GPR158: variants seen among roughly 807,000 people sequenced by gnomAD.
GPR158 encodes the protein metabotropic glycine receptor.
In GPR158, 30 loss-of-function variants were observed where a neutral mutation model predicts 78.2. The ratio of observed to expected loss-of-function variants is 0.38; its 90% CI spans 0.29 to 0.52. The LOEUF is 0.52. GPR158 is among the 20% of genes least tolerant of loss of function. The probability of loss-of-function intolerance (pLI) is 0.83; values close to 1 mark genes in which losing one functional copy is unlikely to be tolerated. For missense variants in GPR158, 1,463 were observed against 1,523.5 expected (o/e 0.96, Z 0.66); for synonymous variants, 581 against 591.1 (o/e 0.98, Z 0.25).
intron 2 of GPR158, among the ~76,000 whole-genome samples, chr10:25,320,040 A>G (rs1278211489): frequency 6.6e-6 from 1 of 152,158 alleles, no homozygotes; most frequent in Non-Finnish European, 1.5e-5. Flanking sequence ...ACACTGCTTT[A>G]TGATCCACCC....
At chr10:25,512,534 T>C (rs1252127177) in intron 5 of GPR158, among the ~76,000 whole-genome samples, 1 of 152,130 alleles carries the variant, frequency 6.6e-6, no homozygotes, top group African/African-American at 2.4e-5. Context: ...TTCTTTCTCT[T>C]CTCTGCTCTG....
At chr10:25,193,938 GT>G (rs1852810136) in intron 1 of GPR158, among the ~76,000 whole-genome samples, 1 of 151,822 alleles carries the variant, frequency 6.6e-6, no homozygotes, top group African/African-American at 2.4e-5. Flanking sequence ...TCACTTTGGT[GT>G]TTTTCTTGCT....
intron 4 of GPR158, among the ~76,000 whole-genome samples, chr10:25,458,449 G>C (rs932372169): frequency 1.3e-5 from 2 of 152,136 alleles, no homozygotes; most frequent in Admixed American, 6.5e-5. Flanking sequence ...GATGCACAGA[G>C]GAAATCTCAC....
intron 5 of GPR158, among the ~76,000 whole-genome samples, chr10:25,539,471 T>G (rs77423188): frequency 8.5e-4 from 130 of 152,162 alleles, no homozygotes; most frequent in African/African-American, 2.9e-3. Flanking sequence ...ACTAAGACTT[T>G]GGGAACTTGT....
chr10:25,367,896 T>A (rs1227182091), intron 2 of GPR158, among the ~76,000 whole-genome samples: 1 of 151,842 alleles, frequency 6.6e-6, no homozygotes, highest in Non-Finnish European at 1.5e-5. Context: ...TATATGCCAA[T>A]GCCCCATACA....
At position 25,349,755 on chromosome 10, in the gene GPR158, A is replaced by T. The variant is rs149676143; in HGVS notation, c.1009-46156A>T. Among the ~76,000 whole-genome samples the T allele has an allele frequency of 4.8e-5, 7 of 146,432 alleles. 2 individuals are homozygous for T. The highest frequency in any genetic ancestry group is 1.9e-4 in the African/African-American group (7 of 36,330). On this transcript the variant is annotated intron_variant, in intron 2 of 10. Transcript: ENST00000376351. ...GGTAGTTCTTAAGAGCAGTATGACA[A>T]TGGATTAATTCACCATGTAAGGGAA...
intron 4 of GPR158, among the ~76,000 whole-genome samples, chr10:25,427,096 A>G (rs898478656): frequency 1.3e-5 from 2 of 152,128 alleles, no homozygotes; most frequent in South Asian, 2.1e-4. Flanking sequence ...TCCTATATTA[A>G]TCTATAGTCA....
intron 7 of GPR158, among the ~76,000 whole-genome samples, chr10:25,580,525 C>A (rs897345725): frequency 2.0e-5 from 3 of 151,786 alleles, no homozygotes; most frequent in African/African-American, 7.3e-5. Context: ...TACTTAATTA[C>A]CCTAGAAGAT....
intron 5 of GPR158, among the ~76,000 whole-genome samples, chr10:25,504,851 GCTATTAC>G (rs1395424814): frequency 2.6e-5 from 4 of 152,182 alleles, no homozygotes; most frequent in Admixed American, 2.0e-4. Context: ...TTCTGGGTCA[GCTATTAC>G]CTGTGTGGCT....
chr10:25,433,618 A>AG (rs1402878265), intron 4 of GPR158, among the ~76,000 whole-genome samples: 1 of 150,444 alleles, frequency 6.6e-6, no homozygotes, highest in Non-Finnish European at 1.5e-5. Flanking sequence ...GGTGGTGGTA[A>AG]GGGTAAATAA....
intron 1 of GPR158, among the ~76,000 whole-genome samples, chr10:25,189,556 C>T (rs1852740707): frequency 6.6e-6 from 1 of 151,698 alleles, no homozygotes; most frequent in African/African-American, 2.4e-5. Context: ...AAACACCACA[C>T]ATTCTCACTC....
intron 2 of GPR158, among the ~76,000 whole-genome samples, chr10:25,235,579 T>C (rs1292854224): frequency 6.6e-6 from 1 of 152,078 alleles, no homozygotes; most frequent in Admixed American, 6.6e-5. Flanking sequence ...GCATAGTAGT[T>C]AAAAGTGCTT....
intron 1 of GPR158, among the ~76,000 whole-genome samples, chr10:25,215,159 A>G (rs1021830265): frequency 1.3e-5 from 2 of 152,244 alleles, no homozygotes; most frequent in Non-Finnish European, 1.5e-5. Flanking sequence ...TGATGTGTAT[A>G]TAAAATGGAA....
At chr10:25,421,081 C>G (rs1003255830) in intron 4 of GPR158, among the ~76,000 whole-genome samples, 25 of 152,100 alleles carry the variant, frequency 1.6e-4, no homozygotes, top group African/African-American at 6.0e-4. Context: ...ATTAAGTGTT[C>G]TAATCAATAA....
chr10:25,505,437 C>T (rs1235668635), intron 5 of GPR158, among the ~76,000 whole-genome samples: 2 of 152,228 alleles, frequency 1.3e-5, no homozygotes, highest in Admixed American at 1.3e-4. Flanking sequence ...TCGGTGTCTG[C>T]ATCTTCTAGA....
chr10:25,495,004 T>C (rs995246504), intron 5 of GPR158, among the ~76,000 whole-genome samples: 7 of 152,018 alleles, frequency 4.6e-5, no homozygotes, highest in African/African-American at 1.7e-4. Flanking sequence ...GAAAGACAAA[T>C]TTAATATGTA....
In GPR158 at chr10:25,535,627, G is replaced by GA. The variant is rs564917116; in HGVS notation, c.1405-15346dup. Among the ~76,000 whole-genome samples the GA allele has an allele frequency of 5.9e-3, 904 of 152,302 alleles. 7 individuals are homozygous for GA. Among genetic ancestry groups the GA allele is most frequent in the Middle Eastern group, 0.01 (3 of 294 alleles). Reference sequence around the variant, plus strand: ...ATGACCCACTGAAACTGTGAGATAAGAAATGAGTATTGTTTTAAGCCAGCC... The same window carrying GA: ...ATGACCCACTGAAACTGTGAGATAAGAAAATGAGTATTGTTTTAAGCCAGCC... On this transcript the variant is annotated intron_variant, in intron 5 of 10. Coordinates refer to ENST00000376351, the MANE Select transcript of GPR158 (RefSeq NM_020752.3).
chr10:25,213,591 CAT>C (rs1380419440), intron 1 of GPR158, among the ~76,000 whole-genome samples: 2 of 151,808 alleles, frequency 1.3e-5, no homozygotes, highest in South Asian at 2.1e-4. Context: ...TTATTGCCCT[CAT>C]GTGGTTTGGA....
intron 4 of GPR158, among the ~76,000 whole-genome samples, chr10:25,429,050 C>A (rs1360143980): frequency 6.6e-6 from 1 of 151,952 alleles, no homozygotes; most frequent in Non-Finnish European, 1.5e-5. Context: ...GATAGCCCAC[C>A]TGAAGAATTA....
Sources: allele counts gnomAD v4.1 joint callset (sites outside exome capture counted in the v4.1 genomes callset), GRCh38; gene constraint gnomAD v4.1.1; transcripts MANE v1.5; gene names NCBI Gene and HGNC (gene_info 2026-07-23, HGNC 2026-07-21).